The following ITGA11 variants were observed in gnomAD, a reference collection of about 807,000 sequenced individuals.
ITGA11 encodes integrin subunit alpha 11, also known as integrin alpha-11.
In ITGA11, 97 loss-of-function variants were observed where a neutral mutation model predicts 141.9. The ratio of observed to expected loss-of-function variants is 0.68; its 90% CI spans 0.58 to 0.81. The LOEUF (loss-of-function observed/expected upper bound fraction) is 0.81, where lower values mean the gene tolerates loss of function less well. Among genes scored for constraint, ITGA11 ranks in the 30% least tolerant of loss-of-function variants. The pLI, the probability that ITGA11 is intolerant of heterozygous loss-of-function variation, is 0.00. For synonymous variants in ITGA11, 658 were observed against 624.6 expected (o/e 1.05, Z -0.80); for missense variants, 1,387 against 1,559.2 (o/e 0.89, Z 1.86).
intron 2 of ITGA11, among the ~76,000 whole-genome samples, chr15:68,383,833 G>T (rs1172763438): frequency 6.6e-6 from 1 of 152,128 alleles, no homozygotes; most frequent in Non-Finnish European, 1.5e-5. Context: ...AGAACAAATG[G>T]TGTTGGCTGC....
intron 11 of ITGA11, among the ~76,000 whole-genome samples, chr15:68,338,357 C>T (rs969589024): frequency 1.3e-5 from 2 of 152,282 alleles, no homozygotes; most frequent in African/African-American, 4.8e-5. Flanking sequence ...GTGTCTCCCA[C>T]TGGCCCAGAA....
At chr15:68,401,945 G>A (rs1896522497) in intron 2 of ITGA11, among the ~76,000 whole-genome samples, 6 of 151,924 alleles carry the variant, frequency 3.9e-5, no homozygotes, top group Admixed American at 3.9e-4. Context: ...GTCAGGAGAG[G>A]GTGTCACAGA....
At chr15:68,334,702 C>T (rs550706657) in intron 12 of ITGA11, among the ~76,000 whole-genome samples, 3 of 152,130 alleles carry the variant, frequency 2.0e-5, no homozygotes, top group African/African-American at 7.2e-5. Flanking sequence ...TGGGTCACCG[C>T]GATTTGGAAT....
intron 7 of ITGA11, among the ~76,000 whole-genome samples, chr15:68,356,556 GA>G (rs1035824535): frequency 1.2e-4 from 19 of 152,190 alleles, no homozygotes; most frequent in African/African-American, 4.3e-4. Flanking sequence ...GTCTGTGGCA[GA>G]AGCTATTTTT....
Position 68,412,668 on chromosome 15 carries a change from CTTTTT to C in ITGA11, c.53-9644_53-9640del, listed in dbSNP as rs71145169. Among the ~76,000 whole-genome samples, 15 of 59,256 alleles carry C rather than the reference CTTTTT, an allele frequency of 2.5e-4. No individual in the cohort carries two copies. In the South Asian group the frequency reaches 3.4e-3, roughly 13 times the overall value. 38.9% of individuals were successfully genotyped at this position (59,256 alleles called of 152,430 possible). On this transcript the variant is annotated intron_variant, in intron 1 of 29. Coordinates refer to ENST00000315757, the MANE Select transcript of ITGA11 (RefSeq NM_001004439.2). ...TTATTAGGGAGGGGGAACTTATTCGCTTTTTTTTTTTTTTTTTTTTTTTTTGAGAC... is the reference window on the plus strand; with the variant it reads ...TTATTAGGGAGGGGGAACTTATTCGCTTTTTTTTTTTTTTTTTTTTGAGAC...
At chr15:68,369,426 C>A in intron 2 of ITGA11, 142 bp from the exon 3 acceptor site, 2 of 634,372 alleles carry the variant, frequency 3.2e-6, no homozygotes, top group South Asian at 1.9e-5. Context: ...CATGCAGACC[C>A]TCAGGCTGGG....
intron 10 of ITGA11, among the ~76,000 whole-genome samples, chr15:68,343,943 G>C (rs1054007461): frequency 2.0e-5 from 3 of 152,180 alleles, no homozygotes; most frequent in Admixed American, 2.0e-4. Flanking sequence ...CATGTGCGGT[G>C]CTGGAATCCG....
chr15:68,347,021 T>C (rs993520749), intron 10 of ITGA11, among the ~76,000 whole-genome samples: 5 of 152,252 alleles, frequency 3.3e-5, no homozygotes, highest in Non-Finnish European at 5.9e-5. Context: ...ACAAGTTGAC[T>C]CCTGGTGGCA....
rs1368021756 is a variant in ITGA11, at chr15:68,307,146, T to C, written c.3381+202A>G. 6.6e-6 allele frequency among the ~76,000 whole-genome samples: 1 copy of C among 152,220 alleles called. No individual in the cohort carries two copies. The highest frequency in any genetic ancestry group is 1.5e-5 in the Non-Finnish European group (1 of 68,030). ...TCAGTTCACACCAGACCTCTGGACC[T>C]TCCCTAGTGTTGCCCCTGAGGCTTT... On this transcript the variant is annotated intron_variant, in intron 28 of 29. Coordinates refer to ENST00000315757, the MANE Select transcript of ITGA11 (RefSeq NM_001004439.2). This position sits in a 1 kb window ranked among gnomAD's most constrained non-coding sequence, Gnocchi z 6.1.
chr15:68,397,801 T>TTAA (rs1199431548), intron 2 of ITGA11, among the ~76,000 whole-genome samples: 9 of 99,184 alleles, frequency 9.1e-5, no homozygotes, highest in African/African-American at 2.0e-4. Context: ...TATAAAATTA[T>TTAA]TAATAATAAT....
chr15:68,415,457 G>A (rs1205152383), intron 1 of ITGA11, among the ~76,000 whole-genome samples: 2 of 152,234 alleles, frequency 1.3e-5, no homozygotes, highest in African/African-American at 2.4e-5. Context: ...GGGGGCTTCT[G>A]TGGAAAAGCA....
At chr15:68,337,517 G>A (rs1285030801) in intron 11 of ITGA11, among the ~76,000 whole-genome samples, 6 of 152,124 alleles carry the variant, frequency 3.9e-5, no homozygotes, top group Admixed American at 3.9e-4. Context: ...ATGACTCCTA[G>A]ACGGAGGAGG....
intron 1 of ITGA11, among the ~76,000 whole-genome samples, chr15:68,423,249 G>C (rs1411719850): frequency 6.6e-6 from 1 of 152,182 alleles, no homozygotes; most frequent in South Asian, 2.1e-4. Context: ...CTGGAATGCT[G>C]TATGGCGGGG....
chr15:68,335,126 G>T lies in ITGA11; in HGVS notation c.1425+571C>A, dbSNP rs1476437348. ...ACAGCACTCAGCTCTGGCCTAGAGA[G>T]GGCACAGATGCTGCTGGTTAGGAGG... On this transcript the variant is annotated intron_variant, in intron 12 of 29. Coordinates refer to ENST00000315757, the MANE Select transcript of ITGA11 (RefSeq NM_001004439.2). The surrounding 1 kb of genome is among the most constrained non-coding windows in gnomAD (Gnocchi z 4.9). Among the ~76,000 whole-genome samples the T allele has an allele frequency of 6.6e-6, 1 of 152,162 alleles. No individual in the cohort carries two copies. Among genetic ancestry groups the T allele is most frequent in the Non-Finnish European group, 1.5e-5 (1 of 68,032 alleles).
intron 2 of ITGA11, among the ~76,000 whole-genome samples, chr15:68,384,744 T>C (rs1327102366): frequency 6.6e-6 from 1 of 152,236 alleles, no homozygotes; most frequent in Non-Finnish European, 1.5e-5. Context: ...CGGATTTTAT[T>C]TGTTCCAAGA....
In ITGA11 at chr15:68,311,089, A is replaced by G; in HGVS notation, c.3088-9T>C. On this transcript the variant is annotated splice_polypyrimidine_tract_variant and intron_variant, in intron 25 of 29. Coordinates refer to ENST00000315757, the MANE Select transcript of ITGA11 (RefSeq NM_001004439.2). ...TTACAGGACGTGTTCGCCTACATAA[A>G]GGACATGGACACACACACACATACA... 1 of 1,598,526 alleles carries G rather than the reference A, an allele frequency of 6.3e-7. No individual in the cohort carries two copies. The highest frequency in any genetic ancestry group is 1.1e-5 in the South Asian group (1 of 88,916).
At position 68,321,056 on chromosome 15, in the gene ITGA11, G is replaced by A. The variant is rs56014710; in HGVS notation, c.2408+362C>T. Among the ~76,000 whole-genome samples, 1,613 of 152,222 alleles carry A rather than the reference G, an allele frequency of 0.011. 31 individuals are homozygous for A. Among genetic ancestry groups the A allele is most frequent in the African/African-American group, 0.035 (1,442 of 41,512 alleles). ...AAAGCCCAAGGTGTTCAGCCAGCGG[G>A]CCTAGAGGTCACCTCATCTGGGGGC... On this transcript the variant is annotated intron_variant, in intron 19 of 29. Transcript: ENST00000315757. This position sits in a 1 kb window ranked among gnomAD's most constrained non-coding sequence, Gnocchi z 4.9.
chr15:68,405,673 A>C (rs1173167007), intron 1 of ITGA11, among the ~76,000 whole-genome samples: 1 of 152,018 alleles, frequency 6.6e-6, no homozygotes, highest in East Asian at 1.9e-4. Flanking sequence ...CAGTGAAGGC[A>C]TGTCACAGAG....
intron 9 of ITGA11, among the ~76,000 whole-genome samples, chr15:68,350,256 C>T (rs1894862517): frequency 6.6e-6 from 1 of 152,176 alleles, no homozygotes; most frequent in Admixed American, 6.5e-5. Flanking sequence ...ATGATATCAG[C>T]TCACTGCAAC....
Sources: gnomAD v4.1 joint callset for allele counts (sites outside exome capture counted in the v4.1 genomes callset) on GRCh38, gnomAD v4.1.1 for gene constraint, Gnocchi (gnomAD v3.1) non-coding constraint, MANE v1.5 for transcripts, NCBI Gene and HGNC (gene_info 2026-07-23, HGNC 2026-07-21) for gene names.